The following GPHN variants were observed in gnomAD, a reference collection of about 807,000 sequenced individuals.
The protein encoded by GPHN is gephyrin.
A neutral mutation model predicts 95.5 loss-of-function variants in GPHN; 17 were observed. The ratio of observed to expected loss-of-function variants is 0.18; its 90% CI spans 0.12 to 0.27. GPHN has a LOEUF of 0.27. Ranked by LOEUF, GPHN falls within the 10% of genes least tolerant of loss-of-function variation. The pLI, the probability that GPHN is intolerant of heterozygous loss-of-function variation, is 1.00. For missense variants in GPHN, 660 were observed against 978.1 expected, an observed-to-expected ratio of 0.67 and a Z score of 4.34; for synonymous variants, 320 against 322.5, an observed-to-expected ratio of 0.99 and a Z score of 0.08.
At chr14:66,932,203 C>G (rs1353722676) in intron 8 of GPHN, among the ~76,000 whole-genome samples, 1 of 152,062 alleles carries the variant, frequency 6.6e-6, no homozygotes, top group Non-Finnish European at 1.5e-5. Flanking sequence ...GTTCTTTTCC[C>G]TTACTTTTCC....
the GPHN span, among the ~76,000 whole-genome samples, chr14:67,477,265 T>C: frequency 3.3e-5 from 5 of 152,224 alleles, no homozygotes. Flanking sequence ...CTTGCCCCGA[T>C]TGACATCTTC....
the GPHN span, chr14:67,201,674 G>C: frequency 2.6e-6 from 1 of 382,052 alleles, no homozygotes; most frequent in South Asian, 2.0e-5. Flanking sequence ...CCTGAGCTGG[G>C]TCATCATCCC....
chr14:67,147,493 C>T (rs1407106848), intron 18 of GPHN, among the ~76,000 whole-genome samples: 5 of 139,058 alleles, frequency 3.6e-5, no homozygotes, highest in African/African-American at 1.5e-4. Flanking sequence ...GTAAGTATTT[C>T]ACAGTAGGGT....
intron 4 of GPHN, among the ~76,000 whole-genome samples, chr14:66,869,062 A>G (rs548353679): frequency 6.6e-6 from 1 of 152,360 alleles, no homozygotes; most frequent in East Asian, 1.9e-4. Flanking sequence ...TGATACCTGA[A>G]GTAAGACTAT....
chr14:66,578,833 T>C (rs2061023968), intron 1 of GPHN, among the ~76,000 whole-genome samples: 1 of 151,762 alleles, frequency 6.6e-6, no homozygotes, highest in Non-Finnish European at 1.5e-5. Flanking sequence ...GGGAATTCTT[T>C]AAGCTGAAAG....
chr14:67,554,158 G>A, the GPHN span, among the ~76,000 whole-genome samples: 1 of 152,198 alleles, frequency 6.6e-6, no homozygotes, highest in Non-Finnish European at 1.5e-5. Context: ...CCTGAGCAAA[G>A]AGATCCCCCA....
chr14:67,143,976 C>G (rs1360500155), intron 18 of GPHN, among the ~76,000 whole-genome samples: 4 of 151,394 alleles, frequency 2.6e-5, no homozygotes, highest in Admixed American at 6.6e-5. Flanking sequence ...GTGGCTCAAG[C>G]CTGTAATTCC....
At chr14:67,553,835 G>A in the GPHN span, among the ~76,000 whole-genome samples, 1 of 152,152 alleles carries the variant, frequency 6.6e-6, no homozygotes, top group Non-Finnish European at 1.5e-5. Flanking sequence ...GGCTCAAACC[G>A]ATGCCTGAAA....
the GPHN span, chr14:67,301,432 A>C: frequency 2.4e-4 from 394 of 1,611,088 alleles, 8 homozygotes; most frequent in South Asian, 4.0e-3. Context: ...GAAGGACAAG[A>C]ACTAACTGCT....
intron 4 of GPHN, among the ~76,000 whole-genome samples, chr14:66,852,749 G>A (rs1034324564): frequency 4.6e-5 from 7 of 152,110 alleles, no homozygotes; most frequent in African/African-American, 1.4e-4. Context: ...AAAAAGAACA[G>A]TGCCTATCAA....
At chr14:67,327,655 A>G in the GPHN span, among the ~76,000 whole-genome samples, 1 of 151,626 alleles carries the variant, frequency 6.6e-6, no homozygotes, top group African/African-American at 2.4e-5. Context: ...CCACCCCACA[A>G]CAGGCCCCAG....
chr14:67,299,825 A>T, the GPHN span, among the ~76,000 whole-genome samples: 1 of 152,236 alleles, frequency 6.6e-6, no homozygotes, highest in Admixed American at 6.5e-5. Context: ...GAAAATTATT[A>T]TTGAGCTGAC....
the GPHN span, among the ~76,000 whole-genome samples, chr14:67,237,097 G>A: frequency 2.6e-5 from 4 of 151,486 alleles, no homozygotes; most frequent in African/African-American, 9.7e-5. Context: ...CTCAAAAAAC[G>A]AAAATATATT....
the GPHN span, among the ~76,000 whole-genome samples, chr14:67,225,926 A>AGTGTGTGTGTGTGTGTGTGTGTGTGT: frequency 2.9e-5 from 4 of 136,630 alleles, no homozygotes; most frequent in Non-Finnish European, 6.3e-5. Flanking sequence ...TAATGCTGTG[A>AGTGTGTGTGTGTGTGTGTGTGTGTGT]GTGTGTGTGT....
the GPHN span, among the ~76,000 whole-genome samples, chr14:67,248,582 C>T: frequency 1.3e-5 from 2 of 152,200 alleles, no homozygotes; most frequent in Middle Eastern, 3.4e-3. Flanking sequence ...CCCTCAAAGA[C>T]GTTGAAATTT....
chr14:66,548,428 G>A (rs993897529), intron 1 of GPHN, among the ~76,000 whole-genome samples: 1 of 152,054 alleles, frequency 6.6e-6, no homozygotes, highest in Non-Finnish European at 1.5e-5. Flanking sequence ...TGATCCACCT[G>A]CCTCAGCCTC....
rs556152837 is a variant in GPHN, at chr14:67,096,454, G to C, written c.1238-4402G>C. 3.9e-5 allele frequency among the ~76,000 whole-genome samples: 6 copies of C among 152,162 alleles called. No individual in the cohort carries two copies. The South Asian group carries it at 1.2e-3, about 32-fold the overall frequency. On this transcript the variant is annotated intron_variant, in intron 12 of 22. Coordinates refer to ENST00000478722, the MANE Select transcript of GPHN (RefSeq NM_020806.5). ...TTTTGAGTTTATGTGCATGTGTGGG[G>C]GAACAGGAGAAAAGAGAAATACTTC...
chr14:66,829,755 G>T (rs1280897833), intron 4 of GPHN, among the ~76,000 whole-genome samples: 1 of 152,056 alleles, frequency 6.6e-6, no homozygotes, highest in Non-Finnish European at 1.5e-5. Flanking sequence ...TCATCCACTT[G>T]GTCATTTGTG....
Position 66,851,857 on chromosome 14 carries a change from G to A in GPHN, c.294+27291G>A, listed in dbSNP as rs112068783. ...GGGTTGAGTGGGAGCAAGCTTAGCT[G>A]TAGCACCAATCAGGAGGTCATTGGA... On this transcript the variant is annotated intron_variant, in intron 4 of 22. Transcript: ENST00000478722. Among the ~76,000 whole-genome samples the A allele has an allele frequency of 3.1e-3, 470 of 152,264 alleles. 11 individuals carry two copies. The highest frequency in any genetic ancestry group is 0.011 in the African/African-American group (444 of 41,550).
Sources: gnomAD v4.1 joint callset for allele counts (sites outside exome capture counted in the v4.1 genomes callset) on GRCh38, gnomAD v4.1.1 for gene constraint, MANE v1.5 for transcripts, NCBI Gene and HGNC (gene_info 2026-07-23, HGNC 2026-07-21) for gene names.